Variants in CRB1 observed in about 807,000 individuals in gnomAD.
CRB1 encodes protein crumbs homolog 1.
Under a neutral mutation model 120.0 loss-of-function variants are expected in CRB1, and 83 were observed. That is an observed-to-expected ratio of 0.69 (90% CI 0.58 to 0.83). The LOEUF (loss-of-function observed/expected upper bound fraction) is 0.83. Among genes scored for constraint, CRB1 ranks in the 40% least tolerant of loss-of-function variants. CRB1 has a pLI of 0.00. For synonymous variants in CRB1, 625 were observed against 612.5 expected (o/e 1.02, Z -0.30); for missense variants, 1,699 against 1,687.6 (o/e 1.01, Z -0.12).
At chr1:197,374,997 C>G (rs1237121364) in intron 5 of CRB1, among the ~76,000 whole-genome samples, 1 of 152,116 alleles carries the variant, frequency 6.6e-6, no homozygotes, top group Non-Finnish European at 1.5e-5. Context: ...CTTTTGCTTC[C>G]CTCTTTCACC....
intron 1 of CRB1, among the ~76,000 whole-genome samples, chr1:197,314,498 T>C (rs986493842): frequency 1.2e-4 from 18 of 152,184 alleles, no homozygotes; most frequent in Non-Finnish European, 2.2e-4. Flanking sequence ...TTTCAATATT[T>C]ATACTTTTTT....
chr1:197,210,089 G>T, the CRB1 span, among the ~76,000 whole-genome samples: 3 of 152,168 alleles, frequency 2.0e-5, no homozygotes, highest in Non-Finnish European at 4.4e-5. Flanking sequence ...AGTTAGTCCT[G>T]CCCCCTATTC....
chr1:197,469,353 A>G (rs921631728), intron 11 of CRB1, among the ~76,000 whole-genome samples: 2 of 152,208 alleles, frequency 1.3e-5, no homozygotes, highest in African/African-American at 2.4e-5. Flanking sequence ...TGGAGGATGT[A>G]GATTCTGGAG....
At position 197,438,620 on chromosome 1, in the gene CRB1, A is replaced by G. The variant is rs551798394; in HGVS notation, c.3823A>G (p.Thr1275Ala). ...CACTTGCTACAATGGAGGCAACTGC[A>G]CAGAGTTCCAGACTGAATTAAAATG... ...NLTCYNGGNC[T>A]EFQTELKCMC... is the part of the protein sequence containing the mutation. The change falls in exon 10 of 12, where the codon ACA (threonine) becomes GCA (alanine). Residue 1275 changes from threonine to alanine, a missense_variant. By Grantham distance (58) the Thr-to-Ala change is moderately conservative (BLOSUM62 0). Transcript: ENST00000367400. 2.5e-6 allele frequency: 4 copies of G among 1,613,036 alleles called. No homozygotes were observed. In the South Asian group the frequency reaches 4.4e-5, roughly 18 times the overall value.
intron 5 of CRB1, chr1:197,363,805 A>T: frequency 1.3e-6 from 1 of 758,080 alleles, no homozygotes; most frequent in Non-Finnish European, 2.4e-6. Flanking sequence ...ATGGAGATTT[A>T]AACCCAAGTT....
the CRB1 span, among the ~76,000 whole-genome samples, chr1:197,260,107 C>T: frequency 2.0e-5 from 3 of 151,618 alleles, no homozygotes; most frequent in East Asian, 3.9e-4. Flanking sequence ...ACTGAGATTG[C>T]GCTACTGCCT....
chr1:197,398,684 G>A (rs1007396978), intron 5 of CRB1, among the ~76,000 whole-genome samples: 2 of 152,044 alleles, frequency 1.3e-5, no homozygotes, highest in African/African-American at 4.8e-5. Flanking sequence ...AAAAGGAAGA[G>A]GTTTGGGTAT....
intron 6 of CRB1, among the ~76,000 whole-genome samples, chr1:197,422,453 G>A (rs1377081722): frequency 6.6e-6 from 1 of 150,734 alleles, no homozygotes; most frequent in Non-Finnish European, 1.5e-5. Context: ...TCATAATTAA[G>A]CATAGCGTTT....
At position 197,404,441 on chromosome 1, in the gene CRB1, CAAAAAAAAAAAAAAAAA is replaced by C. The variant is rs558125777; in HGVS notation, c.1172-16547_1172-16531del. 2.2e-4 allele frequency among the ~76,000 whole-genome samples: 13 copies of C among 58,718 alleles called. No homozygotes were observed. In the South Asian group the frequency reaches 4.1e-3, roughly 18 times the overall value. 38.5% of individuals were successfully genotyped at this position (58,718 alleles called of 152,430 possible). On this transcript the variant is annotated intron_variant, in intron 5 of 11. Transcript: ENST00000367400. ...TGGGCGACAGAGCGAGACTCCGTCTCAAAAAAAAAAAAAAAAAAAAAAAAAAAAGTAGTGGAACTTGT... is the reference window on the plus strand; with the variant it reads ...TGGGCGACAGAGCGAGACTCCGTCTCAAAAAAAAAAAGTAGTGGAACTTGT...
At position 197,328,404 on chromosome 1, in the gene CRB1, C is replaced by A; in HGVS notation, c.71-18C>A. 6.3e-7 allele frequency: 1 copy of A among 1,576,118 alleles called. No homozygotes were observed. The highest frequency in any genetic ancestry group is 8.7e-7 in the Non-Finnish European group (1 of 1,146,488). On this transcript the variant is annotated intron_variant, in intron 1 of 11. Transcript: ENST00000367400. ...CTCATTTATAAATTTAATCTTGTTA[C>A]TTTTTATTTCCTTGTAGATTCCTTT...
intron 5 of CRB1, among the ~76,000 whole-genome samples, chr1:197,413,163 T>C (rs1043349403): frequency 2.0e-5 from 3 of 152,174 alleles, no homozygotes. Context: ...GGTCCTCAGG[T>C]TCCCCTTTAA....
intron 1 of CRB1, among the ~76,000 whole-genome samples, chr1:197,305,267 T>G (rs543649779): frequency 9.7e-4 from 147 of 152,260 alleles, no homozygotes; most frequent in Middle Eastern, 3.4e-3. Context: ...GTAATGTAAT[T>G]TTATTACTAT....
chr1:197,221,915 A>G, the CRB1 span, among the ~76,000 whole-genome samples: 1 of 152,106 alleles, frequency 6.6e-6, no homozygotes, highest in African/African-American at 2.4e-5. Flanking sequence ...CCATTTTTTT[A>G]AATTCCTCTT....
rs183695303 is a variant in CRB1 at position 197,275,206 on chromosome 1, T to C, written c.70+6724T>C. On this transcript the variant is annotated intron_variant, in intron 1 of 11. Transcript: ENST00000367400. ...TCACCCTAATGACCCCATGTTAACTTGATTACATCTGCAAAAACCCTATTT... is the reference window on the plus strand; with the variant it reads ...TCACCCTAATGACCCCATGTTAACTCGATTACATCTGCAAAAACCCTATTT... 1.9e-3 allele frequency among the ~76,000 whole-genome samples: 291 copies of C among 152,204 alleles called. 1 individual carries two copies. The highest frequency in any genetic ancestry group is 6.8e-3 in the African/African-American group (282 of 41,554).
intron 11 of CRB1, among the ~76,000 whole-genome samples, chr1:197,462,234 CTG>C (rs1167191258): frequency 6.6e-6 from 1 of 152,084 alleles, no homozygotes; most frequent in African/African-American, 2.4e-5. Flanking sequence ...TTATGGATGA[CTG>C]TATTACCATC....
intron 1 of CRB1, among the ~76,000 whole-genome samples, chr1:197,298,721 G>A (rs748351833): frequency 1.3e-4 from 20 of 151,916 alleles, no homozygotes; most frequent in African/African-American, 3.4e-4. Flanking sequence ...ACTCAGAAAC[G>A]GCCATATATA....
chr1:197,233,452 G>T, the CRB1 span, among the ~76,000 whole-genome samples: 7 of 152,284 alleles, frequency 4.6e-5, no homozygotes, highest in Admixed American at 6.5e-5. Context: ...TGATCTCAAG[G>T]ATGTAAATGA....
chr1:197,348,693 G>A (rs1305711919), intron 4 of CRB1, among the ~76,000 whole-genome samples: 3 of 151,842 alleles, frequency 2.0e-5, no homozygotes, highest in Non-Finnish European at 4.4e-5. Context: ...AGCCAGGATG[G>A]GCTCAATCTC....
At chr1:197,237,567 ATTAT>A in the CRB1 span, among the ~76,000 whole-genome samples, 1 of 152,148 alleles carries the variant, frequency 6.6e-6, no homozygotes. Context: ...ACATATTCCA[ATTAT>A]TTATTATTTC....
Sources: allele counts gnomAD v4.1 joint callset (sites outside exome capture counted in the v4.1 genomes callset), GRCh38; gene constraint gnomAD v4.1.1; transcripts MANE v1.5; gene names NCBI Gene and HGNC (gene_info 2026-07-23, HGNC 2026-07-21).